The following CCDC82 variants were observed in gnomAD, a reference collection of about 807,000 sequenced individuals.
CCDC82 encodes the protein coiled-coil domain-containing protein 82.
Under a neutral mutation model 60.6 loss-of-function variants are expected in CCDC82, and 47 were observed. The ratio of observed to expected loss-of-function variants is 0.77; its 90% CI spans 0.61 to 0.99. The LOEUF is 0.99. Ranked by LOEUF, CCDC82 falls within the 50% of genes least tolerant of loss-of-function variation. The pLI, the probability that CCDC82 is intolerant of heterozygous loss-of-function variation, is 0.00. For synonymous variants in CCDC82, 212 were observed against 207.4 expected (o/e 1.02, Z -0.19); for missense variants, 588 against 633.0 (o/e 0.93, Z 0.76).
At chr11:96,377,591 T>C (rs898150948) in intron 5 of CCDC82, among the ~76,000 whole-genome samples, 7 of 152,156 alleles carry the variant, frequency 4.6e-5, no homozygotes, top group African/African-American at 1.7e-4. Flanking sequence ...CTGCTTTTCT[T>C]AAAAGCCAGG....
intron 5 of CCDC82, chr11:96,382,205 TGAAA>T (rs1362571960): frequency 1.3e-5 from 2 of 151,846 alleles, no homozygotes; most frequent in Admixed American, 6.6e-5. Flanking sequence ...CATTTTTATT[TGAAA>T]GAAAGAGTGA....
In CCDC82 at chr11:96,358,986, A is replaced by C. The variant is rs1237083629; in HGVS notation, c.1566+7T>G. On this transcript the variant is annotated splice_region_variant and intron_variant, in intron 9 of 9. Coordinates refer to ENST00000646818, the MANE Select transcript of CCDC82 (RefSeq NM_024725.4). ...TACATGATAAGATTCTCATATATTC[A>C]CCTTACCTCCTTAATCCAGCCATTT... 6.3e-7 allele frequency: 1 copy of C among 1,598,218 alleles called. No homozygotes were observed. Among genetic ancestry groups the C allele is most frequent in the Admixed American group, 1.8e-5 (1 of 56,298 alleles).
In CCDC82 at chr11:96,370,473, T is replaced by C. The variant is rs565748254; in HGVS notation, c.1209+540A>G. Among the ~76,000 whole-genome samples, 11 of 152,278 alleles carry C rather than the reference T, an allele frequency of 7.2e-5. No homozygotes were observed. The East Asian group carries it at 1.9e-3, about 27-fold the overall frequency. On this transcript the variant is annotated intron_variant, in intron 7 of 9. Coordinates refer to ENST00000646818, the MANE Select transcript of CCDC82 (RefSeq NM_024725.4). ...TAAGCAATCTTAAAGCAAAGAAAGA[T>C]GCCAAACACTATCTAGACCAGTGTT... is the stretch of plus-strand genomic sequence containing the variant.
At chr11:96,370,815 C>T (rs1252326750) in intron 7 of CCDC82, among the ~76,000 whole-genome samples, 198 bp downstream of exon 7, 3 of 152,072 alleles carry the variant, frequency 2.0e-5, no homozygotes, top group African/African-American at 7.2e-5. Context: ...TCATTTGGAA[C>T]CACTTAATTA....
chr11:96,385,027 A>C, intron 3 of CCDC82: 1 of 266,270 alleles, frequency 3.8e-6, no homozygotes, highest in Non-Finnish European at 7.0e-6. Flanking sequence ...GCTGTCCTTC[A>C]GAAGATTATT....
At chr11:96,376,032 T>C (rs1865552220) in intron 5 of CCDC82, among the ~76,000 whole-genome samples, 1 of 152,220 alleles carries the variant, frequency 6.6e-6, no homozygotes, top group Admixed American at 6.5e-5. Context: ...TAAATAAGTT[T>C]TCCCCATGAC....
chr11:96,356,829 C>T (rs1864373876), intron 9 of CCDC82: 1 of 985,100 alleles, frequency 1.0e-6, no homozygotes, highest in African/African-American at 1.8e-5. Flanking sequence ...GGAAGACATG[C>T]TGAGACATCC....
intron 5 of CCDC82, chr11:96,380,795 G>A (rs1436070567): frequency 6.6e-6 from 1 of 151,798 alleles, no homozygotes; most frequent in African/African-American, 2.4e-5. Flanking sequence ...AAACTATGGA[G>A]AGGGTAAAAA....
chr11:96,383,845 A>C, intron 4 of CCDC82, 117 bp downstream of exon 4: 1 of 957,466 alleles, frequency 1.0e-6, no homozygotes, highest in Non-Finnish European at 1.5e-6. Context: ...TACTTGATTA[A>C]AAAATAAATT....
intron 6 of CCDC82, among the ~76,000 whole-genome samples, chr11:96,372,868 C>T (rs1220294031): frequency 6.6e-6 from 1 of 151,368 alleles, no homozygotes; most frequent in South Asian, 2.1e-4. Flanking sequence ...TTACCATACT[C>T]AGAATGATGG....
Position 96,371,351 on chromosome 11 carries a change from G to A in CCDC82, c.1085-214C>T, listed in dbSNP as rs377061122. 2.2e-4 allele frequency among the ~76,000 whole-genome samples: 34 copies of A among 152,252 alleles called. No individual in the cohort carries two copies. The East Asian group carries it at 3.9e-3, about 17-fold the overall frequency. ...TAATCCCAGCACTTTGGGAGGCCGA[G>A]GTGGGTGCATTACGAGGTCAGGAGA... On this transcript the variant is annotated intron_variant, in intron 6 of 9. Transcript: ENST00000646818.
intron 9 of CCDC82, chr11:96,358,665 TCA>T: frequency 8.4e-7 from 1 of 1,184,486 alleles, no homozygotes; most frequent in Non-Finnish European, 1.0e-6. Flanking sequence ...CTATACTCTG[TCA>T]AAAAAAAAAA....
At chr11:96,371,193 C>CT in intron 6 of CCDC82, 56 bp from the exon 7 acceptor site, 1 of 1,173,936 alleles carries the variant, frequency 8.5e-7, no homozygotes, top group Non-Finnish European at 1.1e-6. Flanking sequence ...AATATTTAAA[C>CT]TATTTAATAC....
At chr11:96,388,480 T>G (rs1223094086) in intron 1 of CCDC82, 1 of 152,244 alleles carries the variant, frequency 6.6e-6, no homozygotes, top group Non-Finnish European at 1.5e-5. Context: ...TCATGGTTAA[T>G]ATAAGATGCA....
At chr11:96,361,218 T>C (rs1009528926) in intron 8 of CCDC82, among the ~76,000 whole-genome samples, 13 of 152,276 alleles carry the variant, frequency 8.5e-5, no homozygotes, top group African/African-American at 2.6e-4. Context: ...ACATGAAGTA[T>C]AGGCATACGA....
Position 96,368,424 on chromosome 11 carries a change from A to G in CCDC82, c.1209+2589T>C, listed in dbSNP as rs146412911. 7.3e-3 allele frequency among the ~76,000 whole-genome samples: 1,110 copies of G among 152,268 alleles called. 11 individuals are homozygous for G. The highest frequency in any genetic ancestry group is 0.012 in the Admixed American group (186 of 15,292). ...AGAGCACAAACAGAGTCAGTTTAGC[A>G]TAATTCTCAAAGGACCCTTGGATTC... On this transcript the variant is annotated intron_variant, in intron 7 of 9. Transcript: ENST00000646818.
chr11:96,356,758 T>C (rs1864370222), intron 9 of CCDC82: 1 of 984,138 alleles, frequency 1.0e-6, no homozygotes, highest in Non-Finnish European at 1.2e-6. Context: ...CGGATCACCC[T>C]AGTTCAACCT....
In CCDC82 at chr11:96,384,153, C is replaced by T. The variant is rs374416200; in HGVS notation, c.595G>A (p.Asp199Asn). 2.0e-5 allele frequency: 32 copies of T among 1,613,688 alleles called. No individual in the cohort carries two copies. Among genetic ancestry groups the T allele is most frequent in the Middle Eastern group, 3.3e-4 (2 of 6,082 alleles). The change falls in exon 4 of 10, where the codon GAT becomes AAT. Residue 199 changes from aspartate to asparagine, a missense_variant. Asp to Asn is a conservative substitution (Grantham distance 23). Coordinates refer to ENST00000646818, the MANE Select transcript of CCDC82 (RefSeq NM_024725.4). ...MCDSDESDDS[D>N]ILVRKVGVKR... ...ACACCTACTTTTCTAACTAGGATAT[C>T]GCTGTCATCACTCTCATCACTGTCA...
intron 5 of CCDC82, among the ~76,000 whole-genome samples, chr11:96,377,961 T>C (rs1322429136): frequency 6.6e-6 from 1 of 152,096 alleles, no homozygotes; most frequent in Admixed American, 6.6e-5. Flanking sequence ...TGATTTTTAG[T>C]ACATTCAAAT....
Sources: allele counts gnomAD v4.1 joint callset (sites outside exome capture counted in the v4.1 genomes callset), GRCh38; gene constraint gnomAD v4.1.1; transcripts MANE v1.5; gene names NCBI Gene and HGNC (gene_info 2026-07-23, HGNC 2026-07-21).